LARGE1: variants seen among roughly 807,000 people sequenced by gnomAD.
LARGE1 encodes LARGE xylosyl- and glucuronyltransferase 1.
Under a neutral mutation model 87.6 loss-of-function variants are expected in LARGE1, and 43 were observed. That is an observed-to-expected ratio of 0.49 (90% CI 0.38 to 0.63). LARGE1 has a LOEUF of 0.63. Among genes scored for constraint, LARGE1 ranks in the 30% least tolerant of loss-of-function variants. The probability of loss-of-function intolerance (pLI) is 0.00; values close to 1 mark genes in which losing one functional copy is unlikely to be tolerated. For synonymous variants in LARGE1, 434 were observed against 394.6 expected, an observed-to-expected ratio of 1.10 and a Z score of -1.18; for missense variants, 802 against 1,000.2, an observed-to-expected ratio of 0.80 and a Z score of 2.67.
At chr22:33,268,278 C>T (rs553587234), downstream of LARGE1, among the ~76,000 whole-genome samples, 38 of 150,344 alleles carry the variant, frequency 2.5e-4, no homozygotes, top group Non-Finnish European at 4.6e-4. Context: ...ATTCTTACAT[C>T]GCCGTTTTGA....
chr22:33,150,875 G>A, the LARGE1 span, among the ~76,000 whole-genome samples: 3 of 152,036 alleles, frequency 2.0e-5, no homozygotes, highest in Non-Finnish European at 4.4e-5. Flanking sequence ...TATAAATCCT[G>A]TAGTGTGATT....
chr22:33,506,672 G>A (rs545684354), intron 6 of LARGE1, among the ~76,000 whole-genome samples: 6 of 152,260 alleles, frequency 3.9e-5, no homozygotes, highest in South Asian at 2.1e-4. Context: ...AGGCTGAGGC[G>A]GGTAGATCAC....
At chr22:33,196,735 C>T (rs531585228) in intron 11 of LARGE1, among the ~76,000 whole-genome samples, 6 of 146,030 alleles carry the variant, frequency 4.1e-5, no homozygotes, top group Admixed American at 1.4e-4. Context: ...AGAGAGGAAA[C>T]GAAGAATAAG....
chr22:33,668,332 T>C (rs1327725370), intron 2 of LARGE1, among the ~76,000 whole-genome samples: 1 of 152,138 alleles, frequency 6.6e-6, no homozygotes, highest in African/African-American at 2.4e-5. Context: ...GAGGAATCCT[T>C]GCTTATTGGA....
chr22:33,254,935 A>AT (rs11363318), intron 11 of LARGE1, among the ~76,000 whole-genome samples: 4,680 of 128,248 alleles, frequency 0.036, 222 homozygotes, highest in African/African-American at 0.092. Flanking sequence ...CTACCTGTAG[A>AT]TTTTTTTTTT....
chr22:33,686,230 C>T lies in LARGE1; in HGVS notation c.107-35562G>A, dbSNP rs575930748. 3.3e-5 allele frequency among the ~76,000 whole-genome samples: 5 copies of T among 152,138 alleles called. No individual in the cohort carries two copies. The South Asian group carries it at 6.2e-4, about 19-fold the overall frequency. On this transcript the variant is annotated intron_variant, in intron 2 of 14. Transcript: ENST00000397394. Reference sequence around the variant, plus strand: ...GGGCCCTGAGATGCTCAATGTCCCTCCCTGTGAACTGGAGCTTAGGATTGT... The same window carrying T: ...GGGCCCTGAGATGCTCAATGTCCCTTCCTGTGAACTGGAGCTTAGGATTGT...
chr22:33,667,742 G>A (rs2081307471), intron 2 of LARGE1, among the ~76,000 whole-genome samples: 2 of 152,162 alleles, frequency 1.3e-5, no homozygotes, highest in African/African-American at 4.8e-5. Context: ...CACCATTAAG[G>A]CATGTATAAA....
In LARGE1 at chr22:33,627,450, A is replaced by G. The variant is rs146454817; in HGVS notation, c.409-1124T>C. On this transcript the variant is annotated intron_variant, in intron 3 of 14. Coordinates refer to ENST00000397394, the MANE Select transcript of LARGE1 (RefSeq NM_133642.5). Reference sequence around the variant, plus strand: ...GCATTCTGTCCTGGGCATATTGTAGAACAATGACGTTTCCTCCAGCATTCA... The same window carrying G: ...GCATTCTGTCCTGGGCATATTGTAGGACAATGACGTTTCCTCCAGCATTCA... Among the ~76,000 whole-genome samples, 1,156 of 152,330 alleles carry G rather than the reference A, an allele frequency of 7.6e-3. 7 individuals are homozygous for G. The highest frequency in any genetic ancestry group is 0.011 in the Non-Finnish European group (755 of 68,030).
Position 33,602,763 on chromosome 22 carries a change from T to A in LARGE1, c.615+1672A>T, listed in dbSNP as rs572225370. 2.6e-5 allele frequency among the ~76,000 whole-genome samples: 4 copies of A among 152,300 alleles called. No homozygotes were observed. In the East Asian group the frequency reaches 7.7e-4, roughly 29 times the overall value. ...CTGGGCTCAAGTGATCCTCCCCACC[T>A]CAGCCTCCTAAAGTGCTGGGATTAC... On this transcript the variant is annotated intron_variant, in intron 5 of 14. Coordinates refer to ENST00000397394, the MANE Select transcript of LARGE1 (RefSeq NM_133642.5).
chr22:33,221,100 C>T (rs868587586), intron 11 of LARGE1, among the ~76,000 whole-genome samples: 1 of 152,080 alleles, frequency 6.6e-6, no homozygotes, highest in Non-Finnish European at 1.5e-5. Flanking sequence ...AGACATCCTC[C>T]TATCATTAAG....
chr22:33,744,666 C>G (rs16992943), intron 2 of LARGE1, among the ~76,000 whole-genome samples: 2,748 of 152,260 alleles, frequency 0.018, 78 homozygotes, highest in African/African-American at 0.061. Context: ...CTGGATGGCT[C>G]TGCCACGCTC....
intron 11 of LARGE1, among the ~76,000 whole-genome samples, chr22:33,263,943 A>C (rs1388634664): frequency 6.6e-6 from 1 of 152,232 alleles, no homozygotes; most frequent in Non-Finnish European, 1.5e-5. Context: ...CTTTGGGCAA[A>C]TTACTTAACT....
intron 1 of LARGE1, among the ~76,000 whole-genome samples, chr22:33,840,362 TCTTTAAAAA>T (rs61263433): frequency 0.053 from 8,140 of 152,206 alleles, 717 homozygotes; most frequent in African/African-American, 0.19. Flanking sequence ...TTACTTCCTG[TCTTTAAAAA>T]CTTTTTATAC....
intron 11 of LARGE1, among the ~76,000 whole-genome samples, chr22:33,313,688 A>G (rs1380853253): frequency 6.6e-6 from 1 of 152,180 alleles, no homozygotes; most frequent in Non-Finnish European, 1.5e-5. Flanking sequence ...GGGGACACCC[A>G]TCAACAGCCA....
At chr22:33,653,390 G>A (rs1234422154) in intron 2 of LARGE1, among the ~76,000 whole-genome samples, 1 of 152,204 alleles carries the variant, frequency 6.6e-6, no homozygotes, top group Non-Finnish European at 1.5e-5. Context: ...TGCTAAGTTA[G>A]AGGTAAAGAC....
chr22:33,291,329 G>A (rs1428436031), intron 12 of LARGE1, among the ~76,000 whole-genome samples: 3 of 152,180 alleles, frequency 2.0e-5, no homozygotes, highest in African/African-American at 7.2e-5. Flanking sequence ...CGATTTGCCT[G>A]AAAATGGGAT....
At chr22:33,502,615 C>CTGGA (rs2070513608) in intron 6 of LARGE1, among the ~76,000 whole-genome samples, 1 of 152,114 alleles carries the variant, frequency 6.6e-6, no homozygotes, top group Admixed American at 6.5e-5. Flanking sequence ...GCCACCCAGG[C>CTGGA]TGGAGTGCAG....
intron 2 of LARGE1, among the ~76,000 whole-genome samples, chr22:33,741,826 C>A (rs1285669811): frequency 6.6e-6 from 1 of 152,180 alleles, no homozygotes; most frequent in Non-Finnish European, 1.5e-5. Flanking sequence ...AAGCCCAGAG[C>A]CAGGAGGGGT....
At chr22:33,903,435 T>C (rs1387781348) in intron 1 of LARGE1, among the ~76,000 whole-genome samples, 1 of 152,072 alleles carries the variant, frequency 6.6e-6, no homozygotes, top group Non-Finnish European at 1.5e-5. Flanking sequence ...AATTCCACCA[T>C]TCTGAATTTT....
Sources: allele counts gnomAD v4.1 joint callset (sites outside exome capture counted in the v4.1 genomes callset), GRCh38; gene constraint gnomAD v4.1.1; transcripts MANE v1.5; gene names NCBI Gene and HGNC (gene_info 2026-07-23, HGNC 2026-07-21).